SMAD2: variants seen among roughly 807,000 people sequenced by gnomAD.
SMAD2 encodes MAD homolog 2.
A neutral mutation model predicts 64.4 loss-of-function variants in SMAD2; 8 were observed. The observed-to-expected ratio is 0.12, with a 90% CI of 0.07 to 0.22. The LOEUF is 0.22. Ranked by LOEUF, SMAD2 falls within the 10% of genes least tolerant of loss-of-function variation. The probability of loss-of-function intolerance (pLI) is 1.00; values close to 1 mark genes in which losing one functional copy is unlikely to be tolerated. For missense variants in SMAD2, 289 were observed against 561.2 expected (o/e 0.51, Z 4.90); for synonymous variants, 203 against 195.8 (o/e 1.04, Z -0.31).
chr18:47,832,917 T>C lies in SMAD2; in HGVS notation c.*8910A>G, dbSNP rs1374424527. ...CCCGGGGGGATAGGATAATCTTTTA[T>C]GTAACACCAAATTAAAAAAACAAAA... On this transcript the variant is annotated 3_prime_UTR_variant, in exon 11 of 11. Transcript: ENST00000262160. 4 of 159,160 alleles carry C rather than the reference T, an allele frequency of 2.5e-5. No homozygotes were observed. The highest frequency in any genetic ancestry group is 5.5e-5 in the Non-Finnish European group (4 of 72,170). 9.9% of individuals were successfully genotyped at this position (159,160 alleles called of 1,614,324 possible). A position where few individuals can be genotyped will look rare whatever the true frequency, so the allele number is the denominator to read the frequency against.
chr18:47,823,402 T>C lies in SMAD2; in HGVS notation c.*18425A>G, dbSNP rs920472112. The C allele has an allele frequency of 1.3e-5, 2 of 152,184 alleles. No homozygotes were observed. The highest frequency in any genetic ancestry group is 2.9e-5 in the Non-Finnish European group (2 of 68,024). The allele number at this position is 152,184 out of a possible 1,614,324, so 9.4% of individuals were successfully genotyped here. On this transcript the variant is annotated 3_prime_UTR_variant, in exon 11 of 11. Coordinates refer to ENST00000262160, the MANE Select transcript of SMAD2 (RefSeq NM_005901.6). ...TGAAGAAAGCTATATGTACCTGTTA[T>C]TAGATCACAGCTCTGTACCGTTTTG...
intron 8 of SMAD2, among the ~76,000 whole-genome samples, chr18:47,847,027 A>G (rs1914562109): frequency 6.6e-6 from 1 of 152,156 alleles, no homozygotes. Flanking sequence ...TTCAGGCTAT[A>G]TTCCCTGATC....
chr18:47,850,865 T>C (rs1274163675), intron 7 of SMAD2, among the ~76,000 whole-genome samples: 1 of 82,416 alleles, frequency 1.2e-5, no homozygotes, highest in Non-Finnish European at 2.3e-5. Flanking sequence ...ATATTATATA[T>C]ATTATGTATA....
chr18:47,889,193 GA>G (rs1160706940), intron 2 of SMAD2, among the ~76,000 whole-genome samples: 1 of 152,188 alleles, frequency 6.6e-6, no homozygotes, highest in Non-Finnish European at 1.5e-5. Context: ...TTTAAAGCAA[GA>G]TATCCTAAAC....
intron 1 of SMAD2, among the ~76,000 whole-genome samples, chr18:47,914,388 C>G (rs2144523468): frequency 6.6e-6 from 1 of 152,258 alleles, no homozygotes; most frequent in South Asian, 2.1e-4. Context: ...GTCCAGTAAG[C>G]AAGAATTCCG....
intron 6 of SMAD2, among the ~76,000 whole-genome samples, chr18:47,857,650 C>G (rs549259311): frequency 2.0e-4 from 31 of 152,278 alleles, no homozygotes; most frequent in African/African-American, 7.2e-4. Flanking sequence ...CCCCAGTTAA[C>G]AGAGAGTGGT....
chr18:47,841,409 AT>A lies in SMAD2; in HGVS notation c.*417del. The A allele has an allele frequency of 3.8e-6, 1 of 260,654 alleles. No homozygotes were observed. The allele number at this position is 260,654 out of a possible 1,614,324, so 16.1% of individuals were successfully genotyped here. A position where few individuals can be genotyped will look rare whatever the true frequency, so the allele number is the denominator to read the frequency against. ...ATAACAGATTAGGTACTGCAACTTTATAAAGGTTTGCCTAGATCAAGAAGCA... is the reference window on the plus strand; with the variant it reads ...ATAACAGATTAGGTACTGCAACTTTAAAAGGTTTGCCTAGATCAAGAAGCA... On this transcript the variant is annotated 3_prime_UTR_variant, in exon 11 of 11. Transcript: ENST00000262160.
At chr18:47,873,477 A>G (rs538786373) in intron 2 of SMAD2, among the ~76,000 whole-genome samples, 18 of 152,330 alleles carry the variant, frequency 1.2e-4, no homozygotes, top group East Asian at 9.6e-4. Context: ...GCCAAAACAA[A>G]TAAGTATGAC....
chr18:47,848,760 A>G (rs999491033), intron 7 of SMAD2, 73 bp from the exon 8 acceptor site: 1 of 1,070,288 alleles, frequency 9.3e-7, no homozygotes, highest in African/African-American at 1.6e-5. Context: ...AATAGATTTA[A>G]TATAATCATC....
At position 47,829,662 on chromosome 18, in the gene SMAD2, G is replaced by A. The variant is rs1912911229; in HGVS notation, c.*12165C>T. 1 of 152,174 alleles carries A rather than the reference G, an allele frequency of 6.6e-6. No homozygotes were observed. Among genetic ancestry groups the A allele is most frequent in the African/African-American group, 2.4e-5 (1 of 41,442 alleles). 9.4% of individuals were successfully genotyped at this position (152,174 alleles called of 1,614,324 possible). ...AGAGAGATTAAAAACGGGAAGCAGTGCATAGGCAGTATGAAGTAGACACTT... is the reference window on the plus strand; with the variant it reads ...AGAGAGATTAAAAACGGGAAGCAGTACATAGGCAGTATGAAGTAGACACTT... On this transcript the variant is annotated 3_prime_UTR_variant, in exon 11 of 11. Coordinates refer to ENST00000262160, the MANE Select transcript of SMAD2 (RefSeq NM_005901.6).
At chr18:47,902,014 A>G (rs1001840900) in intron 1 of SMAD2, among the ~76,000 whole-genome samples, 2 of 152,126 alleles carry the variant, frequency 1.3e-5, no homozygotes, top group Non-Finnish European at 2.9e-5. Flanking sequence ...TCTCAACACC[A>G]TAGGACTAGA....
intron 1 of SMAD2, 21 bp from the exon 2 acceptor site, chr18:47,896,830 A>C: frequency 1.9e-6 from 3 of 1,557,976 alleles, no homozygotes; most frequent in Non-Finnish European, 2.6e-6. Flanking sequence ...TATTGAAAGG[A>C]TGATGTAGAG....
At chr18:47,877,545 G>A (rs1304202724) in intron 2 of SMAD2, among the ~76,000 whole-genome samples, 1 of 152,020 alleles carries the variant, frequency 6.6e-6, no homozygotes, top group Non-Finnish European at 1.5e-5. Context: ...ATAATTGAAA[G>A]ACACAAAATA....
At chr18:47,853,997 C>CTGT (rs1397624334) in intron 6 of SMAD2, among the ~76,000 whole-genome samples, 1 of 151,572 alleles carries the variant, frequency 6.6e-6, no homozygotes, top group Admixed American at 6.6e-5. Flanking sequence ...AATTAACAGG[C>CTGT]GTTCAGTCAG....
At position 47,832,888 on chromosome 18, in the gene SMAD2, A is replaced by G. The variant is rs1424151640; in HGVS notation, c.*8939T>C. Reference sequence around the variant, plus strand: ...GGGTTATATTAAGTAGTATAAATTTATCTCCCGGGGGGATAGGATAATCTT... The same window carrying G: ...GGGTTATATTAAGTAGTATAAATTTGTCTCCCGGGGGGATAGGATAATCTT... On this transcript the variant is annotated 3_prime_UTR_variant, in exon 11 of 11. Transcript: ENST00000262160. The G allele has an allele frequency of 6.4e-6, 1 of 155,470 alleles. No individual in the cohort carries two copies. The highest frequency in any genetic ancestry group is 1.4e-5 in the Non-Finnish European group (1 of 69,986). The allele number at this position is 155,470 out of a possible 1,614,324, so 9.6% of individuals were successfully genotyped here. A position where few individuals can be genotyped will look rare whatever the true frequency, so the allele number is the denominator to read the frequency against.
At chr18:47,850,789 ATATAT>A (rs1568043011) in intron 7 of SMAD2, among the ~76,000 whole-genome samples, 14 of 10,020 alleles carry the variant, frequency 1.4e-3, no homozygotes, top group African/African-American at 2.3e-3. Flanking sequence ...AATATATATT[ATATAT>A]TATATATATT....
chr18:47,888,409 T>C (rs1333686420), intron 2 of SMAD2, among the ~76,000 whole-genome samples: 2 of 152,140 alleles, frequency 1.3e-5, no homozygotes, highest in East Asian at 1.9e-4. Context: ...CTTTTGACAG[T>C]CACATGAGTA....
chr18:47,848,332 G>GTGCACTTAAATGTGTC (rs1340553764), intron 8 of SMAD2, 143 bp downstream of exon 8: 5 of 692,662 alleles, frequency 7.2e-6, no homozygotes, highest in Non-Finnish European at 1.3e-5. Context: ...AGTGAAGCCT[G>GTGCACTTAAATGTGTC]TGCACTTAAA....
At chr18:47,912,267 T>C (rs1233259273) in intron 1 of SMAD2, 2 of 152,238 alleles carry the variant, frequency 1.3e-5, no homozygotes, top group African/African-American at 2.4e-5. Context: ...CTGCTAATGA[T>C]AGGAGTATTA....
Sources: gnomAD v4.1 joint callset for allele counts (sites outside exome capture counted in the v4.1 genomes callset) on GRCh38, gnomAD v4.1.1 for gene constraint, MANE v1.5 for transcripts, NCBI Gene and HGNC (gene_info 2026-07-23, HGNC 2026-07-21) for gene names.